Variants in RGS7BP observed in about 807,000 individuals in gnomAD.
RGS7BP encodes regulator of G protein signaling 7 binding protein.
In RGS7BP, 9 loss-of-function variants were observed where a neutral mutation model predicts 31.3. The observed-to-expected ratio is 0.29, with a 90% CI of 0.17 to 0.50. The LOEUF is 0.50. Ranked by LOEUF, RGS7BP falls within the 20% of genes least tolerant of loss-of-function variation. The pLI is 0.98. For missense variants in RGS7BP, 274 were observed against 322.0 expected, an observed-to-expected ratio of 0.85 and a Z score of 1.14; for synonymous variants, 115 against 120.1, an observed-to-expected ratio of 0.96 and a Z score of 0.28.
intron 2 of RGS7BP, among the ~76,000 whole-genome samples, chr5:64,552,212 C>T (rs1580423619): frequency 6.6e-6 from 1 of 151,976 alleles, no homozygotes; most frequent in East Asian, 1.9e-4. Flanking sequence ...AAAATTTATC[C>T]CCTAAATAAC....
In RGS7BP at chr5:64,610,731, G is replaced by T; in HGVS notation, c.*1479G>T. On this transcript the variant is annotated 3_prime_UTR_variant, in exon 6 of 6. Transcript: ENST00000334025. The stretch of plus-strand genomic sequence containing the variant: ...AACTACTGTAATAATTATTGTATTA[G>T]GTTGAATTATATGAAATTTCCTATA... 1 of 151,768 alleles carries T rather than the reference G, an allele frequency of 6.6e-6. No individual in the cohort carries two copies. Among genetic ancestry groups the T allele is most frequent in the Non-Finnish European group, 1.5e-5 (1 of 67,906 alleles). 9.4% of individuals were successfully genotyped at this position (151,768 alleles called of 1,614,324 possible). A position where few individuals can be genotyped will look rare whatever the true frequency, so the allele number is the denominator to read the frequency against.
chr5:64,582,557 T>C (rs998373017), intron 3 of RGS7BP, among the ~76,000 whole-genome samples: 1 of 152,190 alleles, frequency 6.6e-6, no homozygotes, highest in African/African-American at 2.4e-5. Flanking sequence ...CCATCCTCCC[T>C]TCCTCTCCCA....
rs983777496 is a variant in RGS7BP, at chr5:64,512,949, T to C, written c.332+5072T>C. ...CTTTTGGCCTAGTTCTGGTATAGGC[T>C]ATATGTCATTGGACAAGTCTGTTAA... is the stretch of plus-strand genomic sequence containing the variant. On this transcript the variant is annotated intron_variant, in intron 2 of 5. Coordinates refer to ENST00000334025, the MANE Select transcript of RGS7BP (RefSeq NM_001029875.3). Among the ~76,000 whole-genome samples the C allele has an allele frequency of 2.0e-5, 3 of 152,252 alleles. No individual in the cohort carries two copies. In the South Asian group the frequency reaches 6.2e-4, roughly 31 times the overall value.
intron 2 of RGS7BP, among the ~76,000 whole-genome samples, chr5:64,531,133 T>G (rs1026162107): frequency 6.6e-6 from 1 of 152,220 alleles, no homozygotes; most frequent in East Asian, 1.9e-4. Context: ...GGAAAGACAC[T>G]TCTTCTATAG....
In RGS7BP at chr5:64,609,428, C is replaced by CATA. The variant is rs1743448217; in HGVS notation, c.*176_*177insATA. The CATA allele has an allele frequency of 1.8e-6, 1 of 545,502 alleles. No individual in the cohort carries two copies. The highest frequency in any genetic ancestry group is 1.9e-5 in the African/African-American group (1 of 52,992). The allele number at this position is 545,502 out of a possible 1,614,324, so 33.8% of individuals were successfully genotyped here. On this transcript the variant is annotated 3_prime_UTR_variant, in exon 6 of 6. Transcript: ENST00000334025. ...ATGATTTTACACTTGAAAGCAGCTGCCGTCAAGAAAAAAAAGAACAGATTC... is the reference window on the plus strand; with the variant it reads ...ATGATTTTACACTTGAAAGCAGCTGCATACGTCAAGAAAAAAAAGAACAGATTC...
chr5:64,558,502 T>C (rs927361391), intron 2 of RGS7BP, among the ~76,000 whole-genome samples: 2 of 152,180 alleles, frequency 1.3e-5, no homozygotes, highest in African/African-American at 4.8e-5. Flanking sequence ...CCCGTCACCT[T>C]CATAAGCTGA....
At chr5:64,530,704 A>T (rs182927499) in intron 2 of RGS7BP, among the ~76,000 whole-genome samples, 14 of 152,224 alleles carry the variant, frequency 9.2e-5, no homozygotes, top group Admixed American at 3.3e-4. Context: ...AACTGCCAAG[A>T]ATAGACTTAG....
chr5:64,517,350 A>C (rs1210139479), intron 2 of RGS7BP, among the ~76,000 whole-genome samples: 2 of 152,206 alleles, frequency 1.3e-5, no homozygotes, highest in East Asian at 3.8e-4. Context: ...CTTAAATAAA[A>C]AGGACTTCAT....
intron 2 of RGS7BP, 101 bp from the exon 3 acceptor site, chr5:64,575,673 G>A (rs1437400683): frequency 2.0e-6 from 3 of 1,467,180 alleles, no homozygotes; most frequent in African/African-American, 2.9e-5. Flanking sequence ...AAGGCTTTAA[G>A]GAATCTTTAT....
At chr5:64,600,530 G>A (rs895269417) in intron 5 of RGS7BP, among the ~76,000 whole-genome samples, 5 of 151,976 alleles carry the variant, frequency 3.3e-5, no homozygotes, top group African/African-American at 1.2e-4. Flanking sequence ...AATAATCAAA[G>A]GTTGATACTG....
At chr5:64,579,590 T>C (rs1365216670) in intron 3 of RGS7BP, among the ~76,000 whole-genome samples, 1 of 112,150 alleles carries the variant, frequency 8.9e-6, no homozygotes, top group African/African-American at 3.4e-5. Context: ...AAAAGAAATA[T>C]ATTGAAGGTG....
chr5:64,586,723 A>G (rs1742764540), intron 3 of RGS7BP, among the ~76,000 whole-genome samples: 1 of 152,236 alleles, frequency 6.6e-6, no homozygotes, highest in Non-Finnish European at 1.5e-5. Flanking sequence ...CAGGCAGAGT[A>G]AAGTTTCAAT....
At chr5:64,531,321 A>G (rs941919366) in intron 2 of RGS7BP, among the ~76,000 whole-genome samples, 1 of 152,236 alleles carries the variant, frequency 6.6e-6, no homozygotes, top group Non-Finnish European at 1.5e-5. Context: ...GGAAATTACA[A>G]GCTATTTTAA....
Position 64,610,264 on chromosome 5 carries a change from A to C in RGS7BP, c.*1012A>C, listed in dbSNP as rs1271301721. 1 of 152,410 alleles carries C rather than the reference A, an allele frequency of 6.6e-6. No homozygotes were observed. Among genetic ancestry groups the C allele is most frequent in the Non-Finnish European group, 1.5e-5 (1 of 67,930 alleles). 9.4% of individuals were successfully genotyped at this position (152,410 alleles called of 1,614,324 possible). On this transcript the variant is annotated 3_prime_UTR_variant, in exon 6 of 6. Transcript: ENST00000334025. ...CAACGTGTACTTGGTGTCTTGTCTT[A>C]TGCTTAGACTCTTGAAAGCAGGACA...
chr5:64,513,344 C>T (rs1179909613), intron 2 of RGS7BP, among the ~76,000 whole-genome samples: 1 of 152,124 alleles, frequency 6.6e-6, no homozygotes, highest in Non-Finnish European at 1.5e-5. Flanking sequence ...CTTTCCTTCT[C>T]TTCCTTCTCC....
intron 2 of RGS7BP, among the ~76,000 whole-genome samples, chr5:64,569,162 C>A (rs776113217): frequency 6.6e-6 from 1 of 152,082 alleles, no homozygotes; most frequent in Non-Finnish European, 1.5e-5. Context: ...AGCTCATGTT[C>A]AATGGTGAGG....
intron 2 of RGS7BP, among the ~76,000 whole-genome samples, chr5:64,523,154 C>G (rs1749149811): frequency 6.6e-6 from 1 of 152,130 alleles, no homozygotes; most frequent in African/African-American, 2.4e-5. Flanking sequence ...AGGGAGTGTG[C>G]ATTTCAAGGT....
chr5:64,521,315 C>A (rs181257927), intron 2 of RGS7BP, among the ~76,000 whole-genome samples: 1 of 152,096 alleles, frequency 6.6e-6, no homozygotes, highest in South Asian at 2.1e-4. Context: ...TGGAATGCAG[C>A]GCCGTGGCCT....
chr5:64,507,934 A>G, intron 2 of RGS7BP, 57 bp downstream of exon 2: 1 of 1,427,090 alleles, frequency 7.0e-7, no homozygotes, highest in Non-Finnish European at 9.7e-7. Flanking sequence ...ATGCTGACAG[A>G]ATTTTATGGT....
Sources: allele counts gnomAD v4.1 joint callset (sites outside exome capture counted in the v4.1 genomes callset), GRCh38; gene constraint gnomAD v4.1.1; transcripts MANE v1.5; gene names NCBI Gene and HGNC (gene_info 2026-07-23, HGNC 2026-07-21).